PPP2R5E: variants seen among roughly 807,000 people sequenced by gnomAD.
PPP2R5E encodes the protein serine/threonine-protein phosphatase 2A 56 kDa regulatory subunit epsilon isoform.
In PPP2R5E, 4 loss-of-function variants were observed where a neutral mutation model predicts 65.3. That is an observed-to-expected ratio of 0.06 (90% CI 0.03 to 0.14). The LOEUF (loss-of-function observed/expected upper bound fraction) is 0.14. PPP2R5E is among the 10% of genes least tolerant of loss of function. PPP2R5E has a pLI of 1.00. For missense variants in PPP2R5E, 274 were observed against 556.1 expected (o/e 0.49, Z 5.10); for synonymous variants, 183 against 187.4 (o/e 0.98, Z 0.19).
intron 13 of PPP2R5E, among the ~76,000 whole-genome samples, chr14:63,379,367 G>A (rs1001166970): frequency 1.3e-5 from 2 of 152,184 alleles, no homozygotes; most frequent in African/African-American, 4.8e-5. Context: ...CCCTTCCCGG[G>A]TTCAAGTGAT....
At chr14:63,400,733 CT>C (rs1159444924) in intron 5 of PPP2R5E, among the ~76,000 whole-genome samples, 9 of 129,228 alleles carry the variant, frequency 7.0e-5, no homozygotes, top group Non-Finnish European at 4.9e-5. Flanking sequence ...CTCAGTATCT[CT>C]TTATCTATAA....
intron 8 of PPP2R5E, among the ~76,000 whole-genome samples, chr14:63,392,441 A>G (rs1179819872): frequency 6.6e-6 from 1 of 152,222 alleles, no homozygotes; most frequent in Non-Finnish European, 1.5e-5. Context: ...GTAAGCACTT[A>G]ATAAAAACTT....
intron 3 of PPP2R5E, among the ~76,000 whole-genome samples, chr14:63,445,823 T>C (rs537917427): frequency 2.0e-5 from 3 of 148,700 alleles, no homozygotes; most frequent in East Asian, 2.0e-4. Context: ...GCCTGGGCAA[T>C]AGAGTGAGAC....
intron 5 of PPP2R5E, among the ~76,000 whole-genome samples, chr14:63,412,879 A>G (rs941854232): frequency 1.3e-5 from 2 of 152,182 alleles, no homozygotes. Context: ...GTTATAGAGA[A>G]AAAGAGTCAA....
intron 2 of PPP2R5E, among the ~76,000 whole-genome samples, chr14:63,493,831 T>C (rs1442052557): frequency 6.6e-6 from 1 of 152,122 alleles, no homozygotes; most frequent in Non-Finnish European, 1.5e-5. Context: ...TGTAAACTTT[T>C]AAAAATAAGA....
At chr14:63,393,393 T>C (rs1390277067) in intron 8 of PPP2R5E, among the ~76,000 whole-genome samples, 2 of 152,178 alleles carry the variant, frequency 1.3e-5, no homozygotes, top group Non-Finnish European at 2.9e-5. Context: ...TATTTTAAAC[T>C]TAAGTAAGTC....
chr14:63,461,817 AAAG>A (rs1889480900), intron 2 of PPP2R5E, among the ~76,000 whole-genome samples: 1 of 149,216 alleles, frequency 6.7e-6, no homozygotes, highest in Non-Finnish European at 1.5e-5. Flanking sequence ...ATAAAAATAA[AAAG>A]GAGGGTTAGC....
rs879481527 is a variant in PPP2R5E at position 63,519,668 on chromosome 14, CT to C, written c.157+19860del. On this transcript the variant is annotated intron_variant, in intron 2 of 13. Coordinates refer to ENST00000337537, the MANE Select transcript of PPP2R5E (RefSeq NM_006246.5). ...CGTGCCTGGCCTAAGGACAAACTCT[CT>C]TTTTTTTTTTTTGAGACAGAGTTGC... Among the ~76,000 whole-genome samples the C allele has an allele frequency of 7.9e-3, 1,103 of 140,088 alleles. 7 individuals are homozygous for C. The highest frequency in any genetic ancestry group is 0.022 in the African/African-American group (838 of 38,324). 91.9% of individuals were successfully genotyped at this position (140,088 alleles called of 152,430 possible). A position where few individuals can be genotyped will look rare whatever the true frequency, so the allele number is the denominator to read the frequency against.
chr14:63,410,592 C>T (rs981595876), intron 5 of PPP2R5E, among the ~76,000 whole-genome samples: 2 of 152,042 alleles, frequency 1.3e-5, no homozygotes, highest in Admixed American at 1.3e-4. Flanking sequence ...CTCAGGAGAA[C>T]CAGTTAAGAA....
chr14:63,483,436 G>A (rs928786645), intron 2 of PPP2R5E, among the ~76,000 whole-genome samples: 4 of 74,664 alleles, frequency 5.4e-5, no homozygotes, highest in Non-Finnish European at 9.3e-5. Context: ...AAAAGAAGGG[G>A]TTGGCCAGAA....
intron 2 of PPP2R5E, among the ~76,000 whole-genome samples, chr14:63,481,212 A>G (rs904447740): frequency 3.2e-4 from 49 of 152,216 alleles, no homozygotes; most frequent in African/African-American, 1.1e-3. Flanking sequence ...ATGAAATAGA[A>G]TTGGCCGGGT....
At chr14:63,462,394 C>T (rs2139514822) in intron 2 of PPP2R5E, among the ~76,000 whole-genome samples, 1 of 152,160 alleles carries the variant, frequency 6.6e-6, no homozygotes, top group East Asian at 1.9e-4. Context: ...ATCATAAAAG[C>T]TGAGAAGATA....
chr14:63,457,158 T>C (rs1015525217), intron 2 of PPP2R5E, among the ~76,000 whole-genome samples: 1 of 152,128 alleles, frequency 6.6e-6, no homozygotes, highest in African/African-American at 2.4e-5. Context: ...TCCTCTCTCA[T>C]CTACCTAGTC....
At chr14:63,463,745 C>T (rs536953645) in intron 2 of PPP2R5E, among the ~76,000 whole-genome samples, 5 of 151,826 alleles carry the variant, frequency 3.3e-5, no homozygotes, top group Admixed American at 1.3e-4. Context: ...TACAGGCGCC[C>T]GCCACCATGC....
At chr14:63,420,368 T>C (rs1381074450) in intron 4 of PPP2R5E, among the ~76,000 whole-genome samples, 1 of 152,152 alleles carries the variant, frequency 6.6e-6, no homozygotes, top group Non-Finnish European at 1.5e-5. Flanking sequence ...TTGGATTGTG[T>C]CACAATCTGG....
intron 2 of PPP2R5E, among the ~76,000 whole-genome samples, chr14:63,494,768 G>C (rs1313082860): frequency 6.6e-6 from 1 of 151,950 alleles, no homozygotes; most frequent in East Asian, 1.9e-4. Context: ...GGTGGTGCGT[G>C]CCTGTAGTTA....
intron 3 of PPP2R5E, among the ~76,000 whole-genome samples, chr14:63,434,535 C>T (rs1454534972): frequency 6.6e-6 from 1 of 152,078 alleles, no homozygotes; most frequent in Non-Finnish European, 1.5e-5. Flanking sequence ...TAGTATGCTG[C>T]TCTCCTCTCA....
chr14:63,526,023 A>AT (rs892526662), intron 2 of PPP2R5E, among the ~76,000 whole-genome samples: 24 of 151,558 alleles, frequency 1.6e-4, no homozygotes, highest in African/African-American at 3.9e-4. Flanking sequence ...CACCTGGCTA[A>AT]TTTTTTTTGT....
At chr14:63,433,028 T>TTTTTTGTTTTGTTTTG (rs1887761406) in intron 3 of PPP2R5E, among the ~76,000 whole-genome samples, 1 of 138,192 alleles carries the variant, frequency 7.2e-6, no homozygotes, top group African/African-American at 3.0e-5. Context: ...TTTTGTTTTG[T>TTTTTTGTTTTGTTTTG]TTTGTTTTTT....
Sources: gnomAD v4.1 joint callset for allele counts (sites outside exome capture counted in the v4.1 genomes callset) on GRCh38, gnomAD v4.1.1 for gene constraint, MANE v1.5 for transcripts, NCBI Gene and HGNC (gene_info 2026-07-23, HGNC 2026-07-21) for gene names.